LAMA3: variants seen among roughly 807,000 people sequenced by gnomAD.
LAMA3 encodes the protein laminin subunit alpha 3.
LAMA3 carries 281 observed loss-of-function variants against 402.0 expected under a neutral mutation model. That is an observed-to-expected ratio of 0.70 (90% CI 0.63 to 0.77). The LOEUF is 0.77. Ranked by LOEUF, LAMA3 falls within the 30% of genes least tolerant of loss-of-function variation. LAMA3 has a pLI of 0.00. For missense variants in LAMA3, 3,840 were observed against 4,215.5 expected, an observed-to-expected ratio of 0.91 and a Z score of 2.47; for synonymous variants, 1,431 against 1,558.4, an observed-to-expected ratio of 0.92 and a Z score of 1.93.
At chr18:23,773,359 CT>C (rs922086596) in intron 8 of LAMA3, 137 bp from the exon 9 acceptor site, 2 of 730,692 alleles carry the variant, frequency 2.7e-6, no homozygotes, top group African/African-American at 3.5e-5. Flanking sequence ...AAGATTAATG[CT>C]TTTTTAAATT....
chr18:23,953,645 A>G (rs1480372893), intron 74 of LAMA3, among the ~76,000 whole-genome samples: 1 of 152,130 alleles, frequency 6.6e-6, no homozygotes, highest in South Asian at 2.1e-4. Context: ...CCTGGCCCCA[A>G]GCCTATAATT....
chr18:23,773,419 C>T, intron 8 of LAMA3, 78 bp from the exon 9 acceptor site: 1 of 844,366 alleles, frequency 1.2e-6, no homozygotes, highest in East Asian at 2.7e-5. Context: ...AGAATTATTC[C>T]TCTGGGTGAG....
At chr18:23,693,200 C>T (rs1226483888) in intron 1 of LAMA3, among the ~76,000 whole-genome samples, 11 of 152,062 alleles carry the variant, frequency 7.2e-5, no homozygotes, top group South Asian at 4.2e-4. Flanking sequence ...AGAAATTAGC[C>T]GGGCGTGGTG....
intron 12 of LAMA3, among the ~76,000 whole-genome samples, chr18:23,784,664 G>A (rs900033139): frequency 6.6e-6 from 1 of 152,066 alleles, no homozygotes; most frequent in Non-Finnish European, 1.5e-5. Flanking sequence ...TCCCATCCCG[G>A]CAAGGGTCGC....
chr18:23,745,900 T>A (rs2061644202), intron 2 of LAMA3, among the ~76,000 whole-genome samples: 1 of 152,218 alleles, frequency 6.6e-6, no homozygotes, highest in Admixed American at 6.5e-5. Context: ...CAAACTCACA[T>A]AATTAACAGT....
intron 42 of LAMA3, among the ~76,000 whole-genome samples, chr18:23,891,677 C>A (rs572376197): frequency 6.8e-4 from 104 of 152,238 alleles, no homozygotes; most frequent in Middle Eastern, 3.4e-3. Context: ...AATAAATAAA[C>A]CTTTAGCTAT....
At chr18:23,938,666 C>T (rs1461652263) in intron 67 of LAMA3, among the ~76,000 whole-genome samples, 2 of 151,378 alleles carry the variant, frequency 1.3e-5, no homozygotes, top group African/African-American at 2.4e-5. Flanking sequence ...GTCTCGGTGC[C>T]GCTGGCCAAA....
rs201730526 is a variant in LAMA3, at chr18:23,905,507, A to C, written c.6616-15A>C. 7.6e-6 allele frequency: 11 copies of C among 1,450,954 alleles called. No individual in the cohort carries two copies. In the East Asian group the frequency reaches 2.3e-4, roughly 30 times the overall value. 89.9% of individuals were successfully genotyped at this position (1,450,954 alleles called of 1,614,324 possible). ...TATAGCATTTGTTTAAGGCTGTTAA[A>C]TGCTTTGCTTTCAGACAGTGATAAA... On this transcript the variant is annotated splice_polypyrimidine_tract_variant and intron_variant, in intron 51 of 74. Transcript: ENST00000313654.
chr18:23,826,328 G>A (rs1431281178), intron 21 of LAMA3, among the ~76,000 whole-genome samples: 1 of 152,210 alleles, frequency 6.6e-6, no homozygotes, highest in Non-Finnish European at 1.5e-5. Context: ...AGTAGAAAGT[G>A]ATCCACATTC....
At chr18:23,781,309 G>A (rs1370141882) in intron 11 of LAMA3, 1 of 456,084 alleles carries the variant, frequency 2.2e-6, no homozygotes, top group Non-Finnish European at 4.4e-6. Flanking sequence ...TGGTGCTCAT[G>A]CCATCCTGGG....
In LAMA3 at chr18:23,946,230, C is replaced by T. The variant is rs2145526700; in HGVS notation, c.9297C>T (p.Thr3099=). The change falls in exon 70 of 75, where the codon ACC becomes ACT. Residue 3099 remains threonine (T), a synonymous_variant. Coordinates refer to ENST00000313654, the MANE Select transcript of LAMA3 (RefSeq NM_198129.4). The stretch of plus-strand genomic sequence containing the variant: ...AGGGAAGTTTGCCTGGAAACTCCAC[C>T]ATCAGCATCAGAGCGCCAGTTTACC... ...AREGSLPGNS[T]ISIRAPVYLG... is the part of the protein sequence containing the mutation. 6 of 1,614,054 alleles carry T rather than the reference C, an allele frequency of 3.7e-6. No individual in the cohort carries two copies. Among genetic ancestry groups the T allele is most frequent in the Non-Finnish European group, 5.1e-6 (6 of 1,179,996 alleles).
At chr18:23,692,144 A>G (rs765172522) in intron 1 of LAMA3, among the ~76,000 whole-genome samples, 12 of 152,372 alleles carry the variant, frequency 7.9e-5, no homozygotes, top group Non-Finnish European at 1.3e-4. Flanking sequence ...TCATGGTACT[A>G]TAGCTCTAGC....
At chr18:23,749,380 C>T in intron 3 of LAMA3, 48 bp from the exon 4 acceptor site, 1 of 995,978 alleles carries the variant, frequency 1.0e-6, no homozygotes, top group Non-Finnish European at 1.5e-6. Flanking sequence ...AGATTTGCAA[C>T]AAAATGATAA....
chr18:23,752,943 C>G (rs1158245212), intron 5 of LAMA3, among the ~76,000 whole-genome samples: 1 of 152,224 alleles, frequency 6.6e-6, no homozygotes, highest in Non-Finnish European at 1.5e-5. Flanking sequence ...TCCTCACATT[C>G]CTCCCAAATC....
intron 62 of LAMA3, among the ~76,000 whole-genome samples, chr18:23,925,993 C>T (rs1347909031): frequency 6.6e-6 from 1 of 152,220 alleles, no homozygotes; most frequent in Non-Finnish European, 1.5e-5. Context: ...AGGCCTTAAC[C>T]TCTTAATGCC....
chr18:23,906,866 G>A (rs1168157027), intron 52 of LAMA3, among the ~76,000 whole-genome samples: 1 of 152,174 alleles, frequency 6.6e-6, no homozygotes, highest in East Asian at 1.9e-4. Context: ...TCCTGGAATC[G>A]TAATTGAAGC....
chr18:23,931,038 G>A (rs1366388663), intron 64 of LAMA3, 24 bp from the exon 65 acceptor site: 3 of 1,602,832 alleles, frequency 1.9e-6, no homozygotes, highest in Admixed American at 3.3e-5. Context: ...ATTAGTTGAT[G>A]GGTATTTTCT....
At chr18:23,867,552 CAAAAAAA>C (rs60964764) in intron 36 of LAMA3, among the ~76,000 whole-genome samples, 1 of 96,362 alleles carries the variant, frequency 1.0e-5, no homozygotes, top group South Asian at 3.3e-4. Context: ...CCATCCCTGC[CAAAAAAA>C]AAAAAAAAAG....
rs982776292 is a variant in LAMA3, at chr18:23,734,990, C to G, written c.448-12953C>G. Among the ~76,000 whole-genome samples, 3 of 152,190 alleles carry G rather than the reference C, an allele frequency of 2.0e-5. No homozygotes were observed. In the East Asian group the frequency reaches 5.8e-4, roughly 29 times the overall value. ...AATTGAATTGCAATTCAAGTGGAAG[C>G]TGTCTTCTTTCTTTACCAGTGAGGC... On this transcript the variant is annotated intron_variant, in intron 2 of 74. Transcript: ENST00000313654.
Sources: gnomAD v4.1 joint callset for allele counts (sites outside exome capture counted in the v4.1 genomes callset) on GRCh38, gnomAD v4.1.1 for gene constraint, MANE v1.5 for transcripts, NCBI Gene and HGNC (gene_info 2026-07-23, HGNC 2026-07-21) for gene names.